The following PCSK5 variants were observed in gnomAD, a reference collection of about 807,000 sequenced individuals.
PCSK5 encodes proprotein convertase subtilisin/kexin type 5.
In PCSK5, 129 loss-of-function variants were observed where a neutral mutation model predicts 233.2. The ratio of observed to expected loss-of-function variants is 0.55; its 90% CI spans 0.48 to 0.64. The LOEUF is 0.64. Ranked by LOEUF, PCSK5 falls within the 30% of genes least tolerant of loss-of-function variation. The pLI, the probability that PCSK5 is intolerant of heterozygous loss-of-function variation, is 0.00. For missense variants in PCSK5, 2,076 were observed against 2,430.1 expected (o/e 0.85, Z 3.06); for synonymous variants, 825 against 879.2 (o/e 0.94, Z 1.09).
chr9:76,217,192 G>A (rs1042463709), intron 20 of PCSK5, among the ~76,000 whole-genome samples: 2 of 152,206 alleles, frequency 1.3e-5, no homozygotes, highest in African/African-American at 4.8e-5. Context: ...CCTGATATTA[G>A]GCAGGAGACA....
chr9:75,979,512 G>A (rs1464108244), intron 2 of PCSK5, among the ~76,000 whole-genome samples: 5 of 152,156 alleles, frequency 3.3e-5, no homozygotes, highest in Non-Finnish European at 7.4e-5. Flanking sequence ...AGATGGCTGG[G>A]GTTCTGCTTC....
intron 1 of PCSK5, among the ~76,000 whole-genome samples, chr9:75,931,879 CACAA>C (rs10532286): frequency 0.048 from 7,280 of 152,226 alleles, 238 homozygotes; most frequent in African/African-American, 0.056. Flanking sequence ...CTACAGAAGT[CACAA>C]ACAAACGAAG....
chr9:75,931,592 G>T (rs1480275236), intron 1 of PCSK5, among the ~76,000 whole-genome samples: 1 of 152,166 alleles, frequency 6.6e-6, no homozygotes, highest in Non-Finnish European at 1.5e-5. Flanking sequence ...TTTATAATTT[G>T]CTGAGAAAAT....
intron 24 of PCSK5, among the ~76,000 whole-genome samples, chr9:76,289,086 G>T (rs1828180338): frequency 6.6e-6 from 1 of 152,152 alleles, no homozygotes; most frequent in African/African-American, 2.4e-5. Flanking sequence ...TGACACAGGG[G>T]ATCATGAAGA....
chr9:76,264,334 A>G (rs569976224), intron 24 of PCSK5, among the ~76,000 whole-genome samples: 1 of 152,310 alleles, frequency 6.6e-6, no homozygotes, highest in Non-Finnish European at 1.5e-5. Flanking sequence ...TTTAAGTGTT[A>G]GACTTCAAAC....
chr9:76,349,292 GAA>G (rs1165629106), intron 35 of PCSK5, among the ~76,000 whole-genome samples: 8 of 55,768 alleles, frequency 1.4e-4, no homozygotes, highest in East Asian at 8.5e-4. Context: ...AAAAAAAAAA[GAA>G]AAAAGAAAAA....
At chr9:76,177,588 AT>A (rs1241766571) in intron 14 of PCSK5, among the ~76,000 whole-genome samples, 5 of 152,240 alleles carry the variant, frequency 3.3e-5, no homozygotes, top group African/African-American at 1.2e-4. Flanking sequence ...ATTGCTATTT[AT>A]ATTTTAACTA....
chr9:76,239,383 A>G (rs1217179455), intron 23 of PCSK5, among the ~76,000 whole-genome samples: 1 of 152,196 alleles, frequency 6.6e-6, no homozygotes. Context: ...ATCCAAGGTC[A>G]TAGGAATGCA....
intron 20 of PCSK5, among the ~76,000 whole-genome samples, chr9:76,201,776 G>A (rs2131270857): frequency 6.6e-6 from 1 of 152,228 alleles, no homozygotes; most frequent in Middle Eastern, 3.4e-3. Flanking sequence ...CAAAGAAATG[G>A]GGATATGATG....
intron 2 of PCSK5, among the ~76,000 whole-genome samples, chr9:75,933,320 C>T (rs1823895037): frequency 1.3e-5 from 2 of 152,122 alleles, no homozygotes; most frequent in South Asian, 2.1e-4. Context: ...GGGAAGAGGG[C>T]GCATCTGTAC....
chr9:76,245,422 A>C (rs149370333), intron 24 of PCSK5, among the ~76,000 whole-genome samples: 24 of 152,282 alleles, frequency 1.6e-4, no homozygotes, highest in Middle Eastern at 3.4e-3. Flanking sequence ...AGGATTTTTT[A>C]AAAAAAGAGA....
chr9:75,993,151 A>G (rs1826848444), intron 3 of PCSK5, among the ~76,000 whole-genome samples: 3 of 152,054 alleles, frequency 2.0e-5, no homozygotes, highest in Non-Finnish European at 2.9e-5. Flanking sequence ...ACCTTTTAAG[A>G]CACCCCATTT....
intron 10 of PCSK5, among the ~76,000 whole-genome samples, chr9:76,138,325 G>A (rs1042956155): frequency 5.3e-5 from 8 of 151,994 alleles, no homozygotes; most frequent in African/African-American, 9.7e-5. Flanking sequence ...GGTTAATGTC[G>A]GCAGCAGAAG....
chr9:76,212,710 CA>C, intron 20 of PCSK5, among the ~76,000 whole-genome samples: 1 of 152,192 alleles, frequency 6.6e-6, no homozygotes, highest in African/African-American at 2.4e-5. Context: ...GTCATAATGA[CA>C]TTTATTCACC....
chr9:76,244,355 A>C (rs1461298914), intron 24 of PCSK5, among the ~76,000 whole-genome samples: 4 of 152,206 alleles, frequency 2.6e-5, no homozygotes, highest in Non-Finnish European at 5.9e-5. Context: ...AAAAATTTGA[A>C]TAATTTACTA....
intron 3 of PCSK5, among the ~76,000 whole-genome samples, chr9:75,986,782 A>G (rs1025771538): frequency 6.6e-6 from 1 of 152,218 alleles, no homozygotes; most frequent in Non-Finnish European, 1.5e-5. Flanking sequence ...TTGGTAGTTC[A>G]TGGTTCAAGC....
intron 1 of PCSK5, among the ~76,000 whole-genome samples, chr9:75,896,902 G>A (rs1825830749): frequency 6.6e-6 from 1 of 152,008 alleles, no homozygotes; most frequent in Non-Finnish European, 1.5e-5. Context: ...TACATCAAAG[G>A]GTACCAAGGA....
At chr9:76,093,582 T>TATATATAC (rs375899150) in intron 7 of PCSK5, among the ~76,000 whole-genome samples, 5 of 149,846 alleles carry the variant, frequency 3.3e-5, no homozygotes, top group African/African-American at 1.2e-4. Flanking sequence ...TATATATATA[T>TATATATAC]ACACACACAC....
intron 10 of PCSK5, among the ~76,000 whole-genome samples, chr9:76,148,409 G>A (rs1483753773): frequency 6.7e-6 from 1 of 150,030 alleles, no homozygotes; most frequent in Non-Finnish European, 1.5e-5. Flanking sequence ...TAATGCCACT[G>A]CTTTTCTTTC....
Sources: gnomAD v4.1 joint callset for allele counts (sites outside exome capture counted in the v4.1 genomes callset) on GRCh38, gnomAD v4.1.1 for gene constraint, MANE v1.5 for transcripts, NCBI Gene and HGNC (gene_info 2026-07-23, HGNC 2026-07-21) for gene names.